AMMECR1: variants seen among roughly 807,000 people sequenced by gnomAD.
The protein encoded by AMMECR1 is AMMECR nuclear protein 1.
In AMMECR1, 3 loss-of-function variants were observed where a neutral mutation model predicts 22.5. That is an observed-to-expected ratio of 0.13 (90% CI 0.06 to 0.35). The LOEUF (loss-of-function observed/expected upper bound fraction) is 0.35, where lower values mean the gene tolerates loss of function less well. AMMECR1 is among the 10% of genes least tolerant of loss of function. The pLI is 1.00. For missense variants in AMMECR1, 235 were observed against 278.7 expected, an observed-to-expected ratio of 0.84 and a Z score of 1.12; for synonymous variants, 130 against 116.7, an observed-to-expected ratio of 1.11 and a Z score of -0.74.
chrX:110,261,054 T>C (rs903696215), intron 2 of AMMECR1, among the ~76,000 whole-genome samples: 1 of 111,163 alleles, frequency 9.0e-6, no homozygotes, highest in African/African-American at 3.3e-5. Flanking sequence ...AATGTGGAGT[T>C]CATGTTTAAT....
chrX:110,326,462 T>A (rs2068098322), intron 2 of AMMECR1, among the ~76,000 whole-genome samples: 1 of 111,954 alleles, frequency 8.9e-6, no homozygotes. Context: ...CATTCCACGG[T>A]GGTAGATAAT....
At chrX:110,425,547 T>C (rs745997843) in intron 2 of AMMECR1, among the ~76,000 whole-genome samples, 2 of 113,285 alleles carry the variant, frequency 1.8e-5, no homozygotes, top group East Asian at 2.8e-4. Context: ...CTTCTTCTAA[T>C]GACCTAGTTA....
intron 2 of AMMECR1, among the ~76,000 whole-genome samples, chrX:110,413,162 T>G (rs1260732505): frequency 9.0e-6 from 1 of 110,530 alleles, no homozygotes; most frequent in East Asian, 2.8e-4. Context: ...TACCGCCCTC[T>G]CTCACTCTTC....
chrX:110,248,621 C>T (rs1251181281), intron 2 of AMMECR1, among the ~76,000 whole-genome samples: 2 of 111,794 alleles, frequency 1.8e-5, no homozygotes, highest in Non-Finnish European at 3.8e-5. Flanking sequence ...CTTCAAATTG[C>T]AAAAATTAAA....
chrX:110,351,348 C>CAATTTCAAAACT (rs1418667819), intron 2 of AMMECR1, among the ~76,000 whole-genome samples: 2 of 111,858 alleles, frequency 1.8e-5, no homozygotes, highest in African/African-American at 6.5e-5. Context: ...TCAAAACTTA[C>CAATTTCAAAACT]TAAAAAGCTA....
At chrX:110,431,208 A>G (rs2068793543) in intron 1 of AMMECR1, among the ~76,000 whole-genome samples, 1 of 111,839 alleles carries the variant, frequency 8.9e-6, no homozygotes, top group African/African-American at 3.3e-5. Flanking sequence ...TGGTGGAATA[A>G]TATCTCCAGT....
chrX:110,380,874 G>T (rs867931464), intron 2 of AMMECR1, among the ~76,000 whole-genome samples: 1 of 112,362 alleles, frequency 8.9e-6, no homozygotes, highest in Admixed American at 9.4e-5. Context: ...AAATGGTGCT[G>T]GGATAACTGG....
intron 2 of AMMECR1, among the ~76,000 whole-genome samples, chrX:110,253,820 T>C (rs776918634): frequency 1.8e-5 from 2 of 112,152 alleles, no homozygotes; most frequent in African/African-American, 3.2e-5. Flanking sequence ...TAATGTCACA[T>C]TGACACTCTT....
chrX:110,329,641 G>A (rs1207235711), intron 2 of AMMECR1, among the ~76,000 whole-genome samples: 2 of 111,405 alleles, frequency 1.8e-5, no homozygotes, highest in Non-Finnish European at 3.8e-5. Flanking sequence ...TTTTTAAACC[G>A]TTAATACTTA....
intron 2 of AMMECR1, among the ~76,000 whole-genome samples, chrX:110,351,244 A>G (rs1237778510): frequency 8.9e-6 from 1 of 111,888 alleles, no homozygotes; most frequent in East Asian, 2.8e-4. Flanking sequence ...AAATGACATG[A>G]TGATCTTAAA....
At chrX:110,288,189 A>G (rs1010723940) in intron 1 of AMMECR1, among the ~76,000 whole-genome samples, 49 of 111,906 alleles carry the variant, frequency 4.4e-4, no homozygotes, top group African/African-American at 1.5e-3. Context: ...AATCAAAAAG[A>G]GTAAAGGAAG....
intron 2 of AMMECR1, among the ~76,000 whole-genome samples, chrX:110,382,195 GA>G (rs1382416681): frequency 2.7e-5 from 3 of 110,763 alleles, no homozygotes; most frequent in Non-Finnish European, 5.7e-5. Flanking sequence ...AGGCCATGTG[GA>G]AAAAAACAGA....
intron 5 of AMMECR1, among the ~76,000 whole-genome samples, chrX:110,198,961 C>T (rs918425430): frequency 2.7e-5 from 3 of 111,738 alleles, no homozygotes; most frequent in Non-Finnish European, 3.8e-5. Flanking sequence ...CTTCAGAAAT[C>T]TTCCACCTCT....
At chrX:110,281,854 T>G (rs1455788028) in intron 1 of AMMECR1, among the ~76,000 whole-genome samples, 2 of 112,735 alleles carry the variant, frequency 1.8e-5, no homozygotes, top group African/African-American at 6.4e-5. Context: ...ACCCATTTGC[T>G]TATTTCCTAT....
At chrX:110,386,295 G>GTTATT (rs1180611781) in intron 2 of AMMECR1, among the ~76,000 whole-genome samples, 1 of 108,126 alleles carries the variant, frequency 9.2e-6, no homozygotes, top group African/African-American at 3.3e-5. Flanking sequence ...ATCAACACTT[G>GTTATT]TTATTTTATT....
intron 2 of AMMECR1, among the ~76,000 whole-genome samples, chrX:110,339,969 AACATAC>A (rs748620181): frequency 0.016 from 1,466 of 90,033 alleles, 27 homozygotes; most frequent in African/African-American, 0.059. Flanking sequence ...TTGAAGGCAA[AACATAC>A]ACACACACAC....
chrX:110,368,030 G>A (rs1207677244), intron 2 of AMMECR1, among the ~76,000 whole-genome samples: 3 of 104,409 alleles, frequency 2.9e-5, no homozygotes, highest in African/African-American at 1.0e-4. Flanking sequence ...TGTAGAAACA[G>A]ATGTCTTGCT....
chrX:110,307,876 T>C (rs923630701), intron 1 of AMMECR1, among the ~76,000 whole-genome samples: 1 of 93,321 alleles, frequency 1.1e-5, no homozygotes, highest in African/African-American at 4.0e-5. Context: ...TTTTTTTTTT[T>C]TTTTTTTTTT....
chrX:110,398,235 C>T (rs934154418), intron 2 of AMMECR1, among the ~76,000 whole-genome samples: 1 of 112,135 alleles, frequency 8.9e-6, no homozygotes, highest in Non-Finnish European at 1.9e-5. Flanking sequence ...GGTGAACCCG[C>T]TGGCACCACA....
Sources: allele counts gnomAD v4.1 joint callset (sites outside exome capture counted in the v4.1 genomes callset), GRCh38; gene constraint gnomAD v4.1.1; transcripts MANE v1.5; gene names NCBI Gene and HGNC (gene_info 2026-07-23, HGNC 2026-07-21).